The following ZSWIM5 variants were observed in gnomAD, a reference collection of about 807,000 sequenced individuals.
ZSWIM5 encodes zinc finger SWIM domain-containing protein 5.
In ZSWIM5, 55 loss-of-function variants were observed where a neutral mutation model predicts 119.6. The observed-to-expected ratio is 0.46, with a 90% CI of 0.37 to 0.58. The LOEUF is 0.58. Ranked by LOEUF, ZSWIM5 falls within the 20% of genes least tolerant of loss-of-function variation. The pLI, the probability that ZSWIM5 is intolerant of heterozygous loss-of-function variation, is 0.00. For missense variants in ZSWIM5, 1,193 were observed against 1,512.8 expected (o/e 0.79, Z 3.51); for synonymous variants, 537 against 606.9 (o/e 0.88, Z 1.69).
chr1:45,147,078 C>CT (rs796772982), intron 1 of ZSWIM5, among the ~76,000 whole-genome samples: 2,352 of 142,062 alleles, frequency 0.017, 63 homozygotes, highest in African/African-American at 0.053. Flanking sequence ...GCATTATCAA[C>CT]TTTTTTTTTT....
intron 1 of ZSWIM5, among the ~76,000 whole-genome samples, chr1:45,166,532 CCT>C (rs1645904788): frequency 6.6e-6 from 1 of 151,958 alleles, no homozygotes; most frequent in Admixed American, 6.6e-5. Flanking sequence ...TCAAATTGTC[CCT>C]GTTTGCAGAC....
At chr1:45,193,719 GGTAAAAGCT>G (rs1194769092) in intron 1 of ZSWIM5, among the ~76,000 whole-genome samples, 10 of 151,972 alleles carry the variant, frequency 6.6e-5, no homozygotes, top group African/African-American at 2.4e-4. Flanking sequence ...TCTCAATTTT[GGTAAAAGCT>G]GTAATAATAA....
intron 11 of ZSWIM5, 151 bp from the exon 12 acceptor site, chr1:45,020,939 C>A (rs1413034991): frequency 1.1e-6 from 1 of 881,928 alleles, no homozygotes; most frequent in Non-Finnish European, 1.7e-6. Context: ...GCTGTCTCCA[C>A]TAATCACATT....
At chr1:45,190,543 G>A (rs1297252537) in intron 1 of ZSWIM5, among the ~76,000 whole-genome samples, 3 of 152,160 alleles carry the variant, frequency 2.0e-5, no homozygotes, top group Non-Finnish European at 4.4e-5. Context: ...TTCCCTTATA[G>A]GGTGAATTTA....
chr1:45,183,980 A>G (rs9429146), intron 1 of ZSWIM5, among the ~76,000 whole-genome samples: 24,131 of 152,012 alleles, frequency 0.16, 2,545 homozygotes, highest in African/African-American at 0.29. Flanking sequence ...CTTGATGAAC[A>G]TTGATGCAAA....
chr1:45,183,125 G>A (rs1646033204), intron 1 of ZSWIM5, among the ~76,000 whole-genome samples: 1 of 152,078 alleles, frequency 6.6e-6, no homozygotes, highest in Admixed American at 6.6e-5. Context: ...CATGGAAACT[G>A]AACAACCTGC....
chr1:45,163,464 A>C (rs1032080087), intron 1 of ZSWIM5, among the ~76,000 whole-genome samples: 5 of 152,222 alleles, frequency 3.3e-5, no homozygotes, highest in Admixed American at 2.0e-4. Context: ...ACAAAGCTAG[A>C]CAGAGAATGA....
intron 1 of ZSWIM5, among the ~76,000 whole-genome samples, chr1:45,131,766 A>G (rs1233284007): frequency 6.6e-6 from 1 of 151,118 alleles, no homozygotes; most frequent in Non-Finnish European, 1.5e-5. Flanking sequence ...ACAATTAATT[A>G]ATGATGATAG....
intron 1 of ZSWIM5, among the ~76,000 whole-genome samples, chr1:45,093,936 T>C (rs1301504798): frequency 6.6e-6 from 1 of 150,470 alleles, no homozygotes; most frequent in Non-Finnish European, 1.5e-5. Context: ...CTTGACCTCC[T>C]GGGCTCAAGG....
At chr1:45,080,867 T>G (rs1570070852) in intron 2 of ZSWIM5, among the ~76,000 whole-genome samples, 1 of 152,134 alleles carries the variant, frequency 6.6e-6, no homozygotes, top group Admixed American at 6.6e-5. Context: ...GCTGGAAGGA[T>G]AGTCAAATCT....
chr1:45,109,627 C>T (rs1645503471), intron 1 of ZSWIM5, among the ~76,000 whole-genome samples: 1 of 151,964 alleles, frequency 6.6e-6, no homozygotes, highest in Non-Finnish European at 1.5e-5. Context: ...CGCCTGTAGT[C>T]CCAGCTACTC....
At chr1:45,028,776 AT>A (rs201124205) in intron 11 of ZSWIM5, among the ~76,000 whole-genome samples, 30 of 151,400 alleles carry the variant, frequency 2.0e-4, no homozygotes, top group African/African-American at 6.3e-4. Context: ...ATAAAAAAAA[AT>A]AAATAAAAAT....
chr1:45,153,093 TAAAAAAAAAAAA>T (rs76324771), intron 1 of ZSWIM5, among the ~76,000 whole-genome samples: 2 of 105,868 alleles, frequency 1.9e-5, no homozygotes, highest in Non-Finnish European at 4.1e-5. Context: ...ATTAAAAAGT[TAAAAAAAAAAAA>T]AAAAAGAAAA....
intron 11 of ZSWIM5, among the ~76,000 whole-genome samples, chr1:45,023,949 C>A (rs1484333249): frequency 1.3e-5 from 2 of 152,146 alleles, no homozygotes; most frequent in African/African-American, 4.8e-5. Context: ...ATTTGTAATT[C>A]CCTAATGACA....
intron 1 of ZSWIM5, among the ~76,000 whole-genome samples, chr1:45,131,524 A>T (rs577311584): frequency 6.6e-6 from 1 of 151,952 alleles, no homozygotes; most frequent in Admixed American, 6.6e-5. Context: ...CGGAATTTGA[A>T]ACCAGCCTCG....
intron 1 of ZSWIM5, among the ~76,000 whole-genome samples, chr1:45,155,405 A>C (rs1172814861): frequency 6.6e-6 from 1 of 151,546 alleles, no homozygotes; most frequent in East Asian, 1.9e-4. Context: ...ATGCAGTGAA[A>C]AGGGAACATT....
chr1:45,082,713 TC>T (rs756026625), intron 2 of ZSWIM5, among the ~76,000 whole-genome samples: 31 of 152,244 alleles, frequency 2.0e-4, no homozygotes, highest in South Asian at 4.1e-4. Context: ...AAGTAGTAGT[TC>T]CTGGGGAAGG....
chr1:45,180,285 T>C (rs1226734), intron 1 of ZSWIM5, among the ~76,000 whole-genome samples: 23,723 of 152,198 alleles, frequency 0.16, 1,981 homozygotes, highest in African/African-American at 0.18. Flanking sequence ...GATTATATCC[T>C]GCACCTGGCT....
intron 1 of ZSWIM5, among the ~76,000 whole-genome samples, chr1:45,127,264 C>T: frequency 6.6e-6 from 1 of 152,102 alleles, no homozygotes; most frequent in Middle Eastern, 3.4e-3. Context: ...AAAAATCACC[C>T]AATAATCATA....
Sources: allele counts gnomAD v4.1 joint callset (sites outside exome capture counted in the v4.1 genomes callset), GRCh38; gene constraint gnomAD v4.1.1; transcripts MANE v1.5; gene names NCBI Gene and HGNC (gene_info 2026-07-23, HGNC 2026-07-21).